Variants in CLEC7A observed in about 807,000 individuals in gnomAD.
CLEC7A encodes C-type lectin domain family 7 member A.
A neutral mutation model predicts 26.9 loss-of-function variants in CLEC7A; 25 were observed. That is an observed-to-expected ratio of 0.93 (90% CI 0.68 to 1.30). The LOEUF is 1.30. Among genes scored for constraint, CLEC7A ranks in the 50% most tolerant of loss-of-function variants. The pLI, the probability that CLEC7A is intolerant of heterozygous loss-of-function variation, is 0.00. For synonymous variants in CLEC7A, 100 were observed against 99.5 expected (o/e 1.01, Z -0.03); for missense variants, 275 against 286.7 (o/e 0.96, Z 0.29).
At chr12:10,128,246 A>ACACACACACC (rs1214698249) in intron 1 of CLEC7A, among the ~76,000 whole-genome samples, 12 of 110,746 alleles carry the variant, frequency 1.1e-4, no homozygotes, top group African/African-American at 3.6e-4. Flanking sequence ...ACACACACAC[A>ACACACACACC]CCACCAACAA....
At chr12:10,122,484 CTTTTTTTTTTT>C (rs143612827) in intron 5 of CLEC7A, among the ~76,000 whole-genome samples, 1 of 128,844 alleles carries the variant, frequency 7.8e-6, no homozygotes, top group Admixed American at 7.8e-5. Flanking sequence ...TTCTTTTTTT[CTTTTTTTTTTT>C]TTTTTTTTTT....
At position 10,118,381 on chromosome 12, in the gene CLEC7A, G is replaced by C. The variant is rs747237274; in HGVS notation, c.*77C>G. On this transcript the variant is annotated 3_prime_UTR_variant, in exon 6 of 6. Coordinates refer to ENST00000304084, the MANE Select transcript of CLEC7A (RefSeq NM_197947.3). ...ATTTTCTGCATTTATCTTGACCTCA[G>C]CTGTTACTCTTTTCTGTTCTGTTTT... 4.8e-5 allele frequency: 65 copies of C among 1,356,514 alleles called. No homozygotes were observed. Among genetic ancestry groups the C allele is most frequent in the Non-Finnish European group, 6.5e-5 (63 of 964,086 alleles). The allele number at this position is 1,356,514 out of a possible 1,614,324, so 84.0% of individuals were successfully genotyped here.
rs1370885369 is a variant in CLEC7A at position 10,127,009 on chromosome 12, A to G, written c.203-301T>C. ...AAATGTCATAGAGTCAATTGGACCC[A>G]TGACAGATTTGAAATAGCAACATCT... On this transcript the variant is annotated intron_variant, in intron 2 of 5. Transcript: ENST00000304084. The G allele has an allele frequency of 2.2e-6, 3 of 1,391,962 alleles. No homozygotes were observed. The East Asian group carries it at 1.0e-4, about 48-fold the overall frequency. 86.2% of individuals were successfully genotyped at this position (1,391,962 alleles called of 1,614,324 possible).
At chr12:10,118,679 G>T in intron 5 of CLEC7A, 89 bp from the exon 6 acceptor site, 1 of 1,126,900 alleles carries the variant, frequency 8.9e-7, no homozygotes, top group Non-Finnish European at 1.3e-6. Context: ...AAGGATATTG[G>T]TGAAAAGAGT....
intron 4 of CLEC7A, 41 bp downstream of exon 4, chr12:10,125,256 G>A (rs1948239454): frequency 1.3e-6 from 2 of 1,569,190 alleles, no homozygotes; most frequent in Non-Finnish European, 1.7e-6. Context: ...CTTCCTTCAG[G>A]ATACACACCA....
intron 2 of CLEC7A, chr12:10,127,070 C>A: frequency 2.2e-6 from 3 of 1,390,806 alleles, no homozygotes; most frequent in Non-Finnish European, 2.8e-6. Flanking sequence ...ATGAGAGATC[C>A]TTGAGAAACT....
rs1947969050 is a variant in CLEC7A at position 10,118,271 on chromosome 12, C to T, written c.*187G>A. On this transcript the variant is annotated 3_prime_UTR_variant, in exon 6 of 6. Coordinates refer to ENST00000304084, the MANE Select transcript of CLEC7A (RefSeq NM_197947.3). ...TACTAACTAGAAAAATAATACTAGC[C>T]TACCTGTAGGTCGACAAATACAGAA... is the stretch of plus-strand genomic sequence containing the variant. 1.8e-6 allele frequency: 1 copy of T among 559,704 alleles called. No individual in the cohort carries two copies. The allele number at this position is 559,704 out of a possible 1,614,324, so 34.7% of individuals were successfully genotyped here.
chr12:10,122,988 AT>A (rs1948144081), intron 5 of CLEC7A, among the ~76,000 whole-genome samples: 1 of 152,054 alleles, frequency 6.6e-6, no homozygotes, highest in Non-Finnish European at 1.5e-5. Context: ...AAACATGTCG[AT>A]GCCTCCCTAG....
At chr12:10,124,818 A>T (rs1421679881) in intron 4 of CLEC7A, 1 of 153,688 alleles carries the variant, frequency 6.5e-6, no homozygotes, top group African/African-American at 2.4e-5. Flanking sequence ...GGCGAAACAC[A>T]GTTTTTTAAA....
intron 2 of CLEC7A, chr12:10,127,536 G>A (rs1365972748): frequency 2.4e-6 from 3 of 1,259,044 alleles, no homozygotes; most frequent in African/African-American, 2.9e-5. Flanking sequence ...CCACTAACTA[G>A]CTTATAACCC....
chr12:10,127,043 T>C (rs1948314090), intron 2 of CLEC7A: 1 of 1,394,700 alleles, frequency 7.2e-7, no homozygotes, highest in East Asian at 3.6e-5. Flanking sequence ...CTTTCACCTT[T>C]CTTCTGTTAT....
intron 5 of CLEC7A, among the ~76,000 whole-genome samples, chr12:10,118,835 A>T (rs1308671184): frequency 6.6e-6 from 1 of 152,194 alleles, no homozygotes; most frequent in Non-Finnish European, 1.5e-5. Flanking sequence ...TAAACTAAAA[A>T]AAAAGTTCCT....
chr12:10,128,521 C>A (rs952709945), intron 1 of CLEC7A, among the ~76,000 whole-genome samples: 9 of 152,234 alleles, frequency 5.9e-5, no homozygotes, highest in African/African-American at 1.9e-4. Context: ...GGAGATAGCA[C>A]TGATTACTAA....
At chr12:10,129,339 T>C (rs1948412718) in intron 1 of CLEC7A, among the ~76,000 whole-genome samples, 1 of 152,218 alleles carries the variant, frequency 6.6e-6, no homozygotes. Context: ...AAGTCACTCA[T>C]ACAGAAATCC....
chr12:10,120,050 A>G (rs886248734), intron 5 of CLEC7A, among the ~76,000 whole-genome samples: 1 of 152,158 alleles, frequency 6.6e-6, no homozygotes, highest in East Asian at 1.9e-4. Context: ...AAAATAAAAG[A>G]CTTAATAGAG....
In CLEC7A at chr12:10,116,931, A is replaced by C. The variant is rs1947931605; in HGVS notation, c.*1527T>G. 1 of 152,214 alleles carries C rather than the reference A, an allele frequency of 6.6e-6. No individual in the cohort carries two copies. Among genetic ancestry groups the C allele is most frequent in the Non-Finnish European group, 1.5e-5 (1 of 68,044 alleles). The allele number at this position is 152,214 out of a possible 1,614,324, so 9.4% of individuals were successfully genotyped here. On this transcript the variant is annotated 3_prime_UTR_variant, in exon 6 of 6. Coordinates refer to ENST00000304084, the MANE Select transcript of CLEC7A (RefSeq NM_197947.3). ...AATGCCTCCCTAGTAATACAGAAATATCCATTGGAAATAAAAATAGCACCA... is the reference window on the plus strand; with the variant it reads ...AATGCCTCCCTAGTAATACAGAAATCTCCATTGGAAATAAAAATAGCACCA...
rs147333774 is a variant in CLEC7A, at chr12:10,128,227, CACACACACACACACACA to C, written c.104-399_104-383del. Among the ~76,000 whole-genome samples the C allele has an allele frequency of 1.9e-3, 289 of 151,538 alleles. 1 individual carries two copies. Among genetic ancestry groups the C allele is most frequent in the African/African-American group, 6.7e-3 (276 of 41,266 alleles). ...GTTAAAACACACACACACACACACA[CACACACACACACACACA>C]CACCACCAACAACAACAACAAAAAA... On this transcript the variant is annotated intron_variant, in intron 1 of 5. Transcript: ENST00000304084.
At chr12:10,126,449 G>A in intron 3 of CLEC7A, 122 bp downstream of exon 3, 5 of 1,454,052 alleles carry the variant, frequency 3.4e-6, no homozygotes, top group Non-Finnish European at 4.5e-6. Context: ...ACTAATATGT[G>A]TATTTGCCTT....
chr12:10,127,391 C>T lies in CLEC7A; in HGVS notation c.202+356G>A, dbSNP rs146815139. On this transcript the variant is annotated intron_variant, in intron 2 of 5. Transcript: ENST00000304084. ...CATATTGTACTTTCTTCTTCAGCTC[C>T]GCTTGTTTTCTTCATTAATTTATCC... 8.0e-4 allele frequency: 1,294 copies of T among 1,612,630 alleles called. 6 individuals are homozygous for T. The African/African-American group carries it at 0.013, about 16-fold the overall frequency.
Sources: gnomAD v4.1 joint callset for allele counts (sites outside exome capture counted in the v4.1 genomes callset) on GRCh38, gnomAD v4.1.1 for gene constraint, MANE v1.5 for transcripts, NCBI Gene and HGNC (gene_info 2026-07-23, HGNC 2026-07-21) for gene names.